The following CNTN3 variants were observed in gnomAD, a reference collection of about 807,000 sequenced individuals.
CNTN3 encodes contactin-3.
A neutral mutation model predicts 119.1 loss-of-function variants in CNTN3; 60 were observed. That is an observed-to-expected ratio of 0.50 (90% CI 0.41 to 0.62). The LOEUF is 0.62. Among genes scored for constraint, CNTN3 ranks in the 20% least tolerant of loss-of-function variants. CNTN3 has a pLI of 0.00. For synonymous variants in CNTN3, 450 were observed against 438.7 expected, an observed-to-expected ratio of 1.03 and a Z score of -0.32; for missense variants, 1,101 against 1,242.4, an observed-to-expected ratio of 0.89 and a Z score of 1.71.
chr3:74,433,481 T>C (rs1343560133), intron 4 of CNTN3, among the ~76,000 whole-genome samples: 1 of 152,216 alleles, frequency 6.6e-6, no homozygotes, highest in Non-Finnish European at 1.5e-5. Flanking sequence ...ATTTAGGAAA[T>C]GTAGCAAAGC....
intron 1 of CNTN3, among the ~76,000 whole-genome samples, chr3:74,597,852 G>A (rs1470704780): frequency 6.6e-6 from 1 of 152,032 alleles, no homozygotes; most frequent in African/African-American, 2.4e-5. Context: ...AAGTCAGCTA[G>A]GAGCTGAAAA....
chr3:74,511,054 T>C (rs1377578751), intron 2 of CNTN3, among the ~76,000 whole-genome samples: 1 of 152,144 alleles, frequency 6.6e-6, no homozygotes, highest in Non-Finnish European at 1.5e-5. Context: ...ATGGTGGCTA[T>C]TGGGCCAAAT....
chr3:74,590,644 T>C (rs1704686168), intron 1 of CNTN3, among the ~76,000 whole-genome samples: 1 of 152,048 alleles, frequency 6.6e-6, no homozygotes, highest in South Asian at 2.1e-4. Flanking sequence ...TGCAATGCAA[T>C]TGCCATATGG....
At chr3:74,605,387 T>C (rs889290649) in intron 1 of CNTN3, among the ~76,000 whole-genome samples, 7 of 152,158 alleles carry the variant, frequency 4.6e-5, no homozygotes, top group Non-Finnish European at 8.8e-5. Context: ...CATCATGTTG[T>C]ATACAATAAA....
At chr3:74,600,412 A>C (rs2106702800) in intron 1 of CNTN3, among the ~76,000 whole-genome samples, 1 of 152,226 alleles carries the variant, frequency 6.6e-6, no homozygotes, top group East Asian at 1.9e-4. Context: ...AGGCTGTTCT[A>C]GAATGAAAAA....
chr3:74,425,305 T>C (rs938739439), intron 4 of CNTN3, among the ~76,000 whole-genome samples: 1 of 152,176 alleles, frequency 6.6e-6, no homozygotes, highest in African/African-American at 2.4e-5. Context: ...GTACCTAACA[T>C]TTATCTTCTG....
intron 5 of CNTN3, among the ~76,000 whole-genome samples, chr3:74,397,549 TC>T (rs1705087703): frequency 6.6e-6 from 1 of 151,874 alleles, no homozygotes; most frequent in Non-Finnish European, 1.5e-5. Flanking sequence ...TCATTGGGCC[TC>T]CCTATTCCCT....
chr3:74,372,289 C>T (rs773351254), intron 5 of CNTN3, among the ~76,000 whole-genome samples: 1 of 152,050 alleles, frequency 6.6e-6, no homozygotes, highest in Non-Finnish European at 1.5e-5. Context: ...GTTAAGGATA[C>T]AATTATGCTA....
chr3:74,452,088 C>T (rs1702169193), intron 4 of CNTN3, among the ~76,000 whole-genome samples: 1 of 146,732 alleles, frequency 6.8e-6, no homozygotes, highest in Admixed American at 6.9e-5. Flanking sequence ...GGCATTGAAT[C>T]TATAAATTAC....
intron 5 of CNTN3, among the ~76,000 whole-genome samples, chr3:74,396,351 T>C (rs1705053052): frequency 6.6e-6 from 1 of 152,164 alleles, no homozygotes; most frequent in African/African-American, 2.4e-5. Context: ...AGTAAGCACA[T>C]GAATGATAAG....
At chr3:74,611,462 T>C (rs1348700863) in intron 1 of CNTN3, among the ~76,000 whole-genome samples, 1 of 152,176 alleles carries the variant, frequency 6.6e-6, no homozygotes, top group Non-Finnish European at 1.5e-5. Flanking sequence ...CAAAGAAATG[T>C]CCCACTGTGT....
intron 2 of CNTN3, among the ~76,000 whole-genome samples, chr3:74,513,817 C>T (rs1198456623): frequency 5.3e-5 from 8 of 151,978 alleles, no homozygotes; most frequent in African/African-American, 1.7e-4. Context: ...TTTGTCACCC[C>T]TAGTCCTATA....
chr3:74,511,969 T>G (rs1042055055), intron 2 of CNTN3, among the ~76,000 whole-genome samples: 1 of 152,134 alleles, frequency 6.6e-6, no homozygotes, highest in African/African-American at 2.4e-5. Context: ...CATGATTTTT[T>G]TTCCCATTAA....
chr3:74,533,974 T>C (rs1465605765), intron 1 of CNTN3, among the ~76,000 whole-genome samples: 1 of 151,972 alleles, frequency 6.6e-6, no homozygotes, highest in Non-Finnish European at 1.5e-5. Context: ...TGCAAACAAT[T>C]ATCCAGCCCA....
At chr3:74,344,581 C>T (rs1703642188) in intron 11 of CNTN3, among the ~76,000 whole-genome samples, 1 of 152,032 alleles carries the variant, frequency 6.6e-6, no homozygotes, top group African/African-American at 2.4e-5. Context: ...CCTCGGCCTC[C>T]CGAGTAGCTG....
chr3:74,371,461 C>CT, intron 5 of CNTN3, 62 bp from the exon 6 acceptor site: 1 of 1,211,658 alleles, frequency 8.3e-7, no homozygotes, highest in Non-Finnish European at 1.2e-6. Flanking sequence ...CCATTGTGTC[C>CT]TTAATGTATC....
intron 1 of CNTN3, among the ~76,000 whole-genome samples, chr3:74,553,029 T>C (rs775848042): frequency 9.9e-5 from 15 of 152,176 alleles, no homozygotes; most frequent in Non-Finnish European, 1.9e-4. Flanking sequence ...GGTGGTTTGC[T>C]GCACTCATCA....
intron 19 of CNTN3, among the ~76,000 whole-genome samples, chr3:74,285,817 ATATATATATATATATATATAT>A (rs1702103894): frequency 8.3e-6 from 1 of 119,770 alleles, no homozygotes; most frequent in African/African-American, 3.9e-5. Context: ...ATATATATAT[ATATATATATATATATATATAT>A]AAAATTAAAA....
At chr3:74,597,999 A>G (rs1371162370) in intron 1 of CNTN3, among the ~76,000 whole-genome samples, 1 of 152,090 alleles carries the variant, frequency 6.6e-6, no homozygotes, top group East Asian at 1.9e-4. Context: ...TGTGGGCTCA[A>G]GTAGTTCCTT....
Sources: allele counts gnomAD v4.1 joint callset (sites outside exome capture counted in the v4.1 genomes callset), GRCh38; gene constraint gnomAD v4.1.1; transcripts MANE v1.5; gene names NCBI Gene and HGNC (gene_info 2026-07-23, HGNC 2026-07-21).